The following MCPH1 variants were observed in gnomAD, a reference collection of about 807,000 sequenced individuals.
MCPH1 encodes the protein microcephalin 1.
In MCPH1, 104 loss-of-function variants were observed where a neutral mutation model predicts 84.5. That is an observed-to-expected ratio of 1.23 (90% confidence interval 1.05 to 1.45). MCPH1 has a LOEUF of 1.45. MCPH1 is among the 40% of genes most tolerant of loss of function. The probability of loss-of-function intolerance (pLI) is 0.00; values close to 1 mark genes in which losing one functional copy is unlikely to be tolerated. For missense variants in MCPH1, 1,498 were observed against 1,005.7 expected (o/e 1.49, Z -6.62); for synonymous variants, 514 against 366.8 (o/e 1.40, Z -4.58).
At chr8:6,576,932 G>A (rs1827174867) in intron 12 of MCPH1, among the ~76,000 whole-genome samples, 1 of 151,916 alleles carries the variant, frequency 6.6e-6, no homozygotes, top group Admixed American at 6.6e-5. Context: ...AAAAGCAATG[G>A]CGCCTCCTTT....
chr8:6,587,787 AG>A (rs1828114542), intron 12 of MCPH1, among the ~76,000 whole-genome samples: 3 of 152,234 alleles, frequency 2.0e-5, no homozygotes, highest in African/African-American at 4.8e-5. Context: ...CAGAGAGCAC[AG>A]ACATGGACTA....
At chr8:6,591,889 G>A (rs773953749) in intron 12 of MCPH1, among the ~76,000 whole-genome samples, 4 of 152,070 alleles carry the variant, frequency 2.6e-5, no homozygotes, top group South Asian at 4.1e-4. Context: ...TAGGTATATC[G>A]TGTTCACTGT....
chr8:6,638,648 TATTC>T (rs1797727556), intron 13 of MCPH1, among the ~76,000 whole-genome samples: 1 of 152,096 alleles, frequency 6.6e-6, no homozygotes, highest in Non-Finnish European at 1.5e-5. Context: ...TTCAGCTTCC[TATTC>T]ATCTCTGTCT....
chr8:6,461,368 C>G (rs1806272406), intron 9 of MCPH1, among the ~76,000 whole-genome samples: 1 of 139,192 alleles, frequency 7.2e-6, no homozygotes, highest in African/African-American at 2.7e-5. Context: ...CTCTGTTGTC[C>G]AGGCTGAAGT....
At chr8:6,623,217 T>C (rs1831658599) in intron 13 of MCPH1, among the ~76,000 whole-genome samples, 2 of 151,946 alleles carry the variant, frequency 1.3e-5, no homozygotes, top group Non-Finnish European at 2.9e-5. Flanking sequence ...TCATCCTGAG[T>C]TACTGAGGGT....
chr8:6,558,062 C>A (rs1393998940), intron 12 of MCPH1, among the ~76,000 whole-genome samples: 3 of 152,172 alleles, frequency 2.0e-5, no homozygotes, highest in Non-Finnish European at 4.4e-5. Flanking sequence ...CTCAGTCTTT[C>A]AAATTTTGCT....
At chr8:6,423,185 CTTTTCTTTTTT>C (rs1262375824) in intron 3 of MCPH1, among the ~76,000 whole-genome samples, 42 of 110,804 alleles carry the variant, frequency 3.8e-4, no homozygotes, top group Non-Finnish European at 5.8e-4. Context: ...TTTTTCTTTT[CTTTTCTTTTTT>C]TTTTTTTTTT....
chr8:6,424,998 G>C (rs891628384), intron 3 of MCPH1, among the ~76,000 whole-genome samples: 4 of 152,246 alleles, frequency 2.6e-5, no homozygotes, highest in Non-Finnish European at 4.4e-5. Flanking sequence ...TAGAGAATAA[G>C]ATACTGGTGC....
intron 12 of MCPH1, chr8:6,509,012 C>T: frequency 6.2e-7 from 1 of 1,614,070 alleles, no homozygotes; most frequent in Non-Finnish European, 8.5e-7. Flanking sequence ...TCCTGGTTGG[C>T]TGATGCTGCT....
intron 8 of MCPH1, chr8:6,446,454 A>C (rs1804388223): frequency 1.0e-6 from 1 of 985,356 alleles, no homozygotes. Context: ...CTTTTCCTTG[A>C]GTATACGCTC....
intron 11 of MCPH1, 52 bp downstream of exon 11, chr8:6,480,928 T>C (rs1809143959): frequency 6.3e-7 from 1 of 1,599,030 alleles, no homozygotes; most frequent in Non-Finnish European, 8.5e-7. Flanking sequence ...TTTGATAGAG[T>C]GGGTCACCCT....
intron 13 of MCPH1, among the ~76,000 whole-genome samples, chr8:6,636,356 C>T (rs13273651): frequency 0.011 from 1,539 of 146,538 alleles, 6 homozygotes; most frequent in Middle Eastern, 0.032. Context: ...AAAAAAAAGT[C>T]ACAGTCAGGA....
At chr8:6,623,363 T>A (rs865799456) in intron 13 of MCPH1, among the ~76,000 whole-genome samples, 1 of 152,016 alleles carries the variant, frequency 6.6e-6, no homozygotes, top group South Asian at 2.1e-4. Context: ...AATCTCTCTC[T>A]CTCTCTCCTG....
chr8:6,645,074 A>T lies in MCPH1; in HGVS notation c.*2025A>T, dbSNP rs1444142515. 1 of 152,208 alleles carries T rather than the reference A, an allele frequency of 6.6e-6. No homozygotes were observed. Among genetic ancestry groups the T allele is most frequent in the Non-Finnish European group, 1.5e-5 (1 of 68,032 alleles). The allele number at this position is 152,208 out of a possible 1,614,324, so 9.4% of individuals were successfully genotyped here. A position where few individuals can be genotyped will look rare whatever the true frequency, so the allele number is the denominator to read the frequency against. Reference sequence around the variant, plus strand: ...CCTGGCTTGGTAGTGCTCCCACAGCACCAAAAATCCCTGAGGAGGCTGACA... The same window carrying T: ...CCTGGCTTGGTAGTGCTCCCACAGCTCCAAAAATCCCTGAGGAGGCTGACA... On this transcript the variant is annotated 3_prime_UTR_variant, in exon 14 of 14. Transcript: ENST00000344683.
At position 6,542,730 on chromosome 8, in the gene MCPH1, A is replaced by G. The variant is rs530094838; in HGVS notation, c.2214+42801A>G. ...TTTTTGCTGTCTCTTTCTGTGTTAC[A>G]TGGGTTTGCCAAAATACTGGGTGGA... On this transcript the variant is annotated intron_variant, in intron 12 of 13. Coordinates refer to ENST00000344683, the MANE Select transcript of MCPH1 (RefSeq NM_024596.5). Among the ~76,000 whole-genome samples, 132 of 152,048 alleles carry G rather than the reference A, an allele frequency of 8.7e-4. 2 individuals carry two copies. The highest frequency in any genetic ancestry group is 7.7e-3 in the Admixed American group (117 of 15,262).
chr8:6,508,795 T>C, intron 12 of MCPH1: 1 of 1,216,750 alleles, frequency 8.2e-7, no homozygotes, highest in East Asian at 2.3e-5. Context: ...CACATTTACC[T>C]ATATCAAGCT....
intron 12 of MCPH1, chr8:6,501,195 C>T (rs1812109010): frequency 1.3e-5 from 2 of 152,158 alleles, no homozygotes; most frequent in Admixed American, 1.3e-4. Flanking sequence ...TGCCAGAGTC[C>T]ATCATTGACT....
intron 3 of MCPH1, among the ~76,000 whole-genome samples, chr8:6,418,402 T>A (rs1799626145): frequency 6.6e-6 from 1 of 152,224 alleles, no homozygotes; most frequent in Non-Finnish European, 1.5e-5. Context: ...TTATTTTATT[T>A]TATTTTTCCT....
chr8:6,468,634 T>C (rs2129558300), intron 9 of MCPH1, among the ~76,000 whole-genome samples: 1 of 144,738 alleles, frequency 6.9e-6, no homozygotes, highest in East Asian at 2.1e-4. Flanking sequence ...TACTTGGATG[T>C]ACATTTTTTT....
Sources: allele counts gnomAD v4.1 joint callset (sites outside exome capture counted in the v4.1 genomes callset), GRCh38; gene constraint gnomAD v4.1.1; transcripts MANE v1.5; gene names NCBI Gene and HGNC (gene_info 2026-07-23, HGNC 2026-07-21).